NLRP11: variants seen among roughly 807,000 people sequenced by gnomAD.
NLRP11 encodes NLR family pyrin domain containing 11.
In NLRP11, 53 loss-of-function variants were observed where a neutral mutation model predicts 79.3. That is an observed-to-expected ratio of 0.67 (90% CI 0.54 to 0.84). NLRP11 has a LOEUF of 0.84. Ranked by LOEUF, NLRP11 falls within the 40% of genes least tolerant of loss-of-function variation. The probability of loss-of-function intolerance (pLI) is 0.00; values close to 1 mark genes in which losing one functional copy is unlikely to be tolerated. For missense variants in NLRP11, 1,264 were observed against 1,255.0 expected (o/e 1.01, Z -0.11); for synonymous variants, 518 against 462.6 (o/e 1.12, Z -1.54).
chr19:55,812,088 T>C (rs1980659234), intron 2 of NLRP11, among the ~76,000 whole-genome samples: 1 of 151,934 alleles, frequency 6.6e-6, no homozygotes, highest in Admixed American at 6.6e-5. Flanking sequence ...CATTGTCCCA[T>C]ATAAGTATGC....
At chr19:55,789,147 T>C in intron 8 of NLRP11, 82 bp downstream of exon 8, 3 of 1,438,386 alleles carry the variant, frequency 2.1e-6, no homozygotes, top group Non-Finnish European at 2.9e-6. Flanking sequence ...CGAGGTATTG[T>C]ATTTCCCAAT....
chr19:55,809,536 G>C lies in NLRP11; in HGVS notation c.1074C>G (p.Asp358Glu). ...TGGGTGTTTGGCAGCAGAGCTGGAA[G>C]TCACGCCCCTTGTCCATCTGCCGCT... Residue 358 changes from aspartate (D) to glutamate (E), a missense_variant, in exon 3 of 10, where the codon GAC (aspartate) becomes GAG (glutamate). By Grantham distance (45) the Asp-to-Glu change is conservative (BLOSUM62 2). Coordinates refer to ENST00000589093, the Ensembl canonical transcript of NLRP11. This position sits in a 1 kb window ranked among gnomAD's most constrained non-coding sequence, Gnocchi z 4.5. 3 of 1,614,208 alleles carry C rather than the reference G, an allele frequency of 1.9e-6. No homozygotes were observed. Among genetic ancestry groups the C allele is most frequent in the Non-Finnish European group, 2.5e-6 (3 of 1,180,046 alleles).
exon 4 of NLRP11, chr19:55,807,985 T>A: frequency 6.2e-7 from 1 of 1,612,136 alleles, no homozygotes; most frequent in Non-Finnish European, 8.5e-7. Context: ...AGAGCAGATC[T>A]CTCTCCAGTA....
At chr19:55,789,986 G>C (rs752421305) in intron 7 of NLRP11, among the ~76,000 whole-genome samples, 1 of 152,070 alleles carries the variant, frequency 6.6e-6, no homozygotes, top group Non-Finnish European at 1.5e-5. Context: ...GTTGGCCTTC[G>C]TGTTGATTCT....
At chr19:55,816,607 A>G (rs1273486560) in intron 2 of NLRP11, among the ~76,000 whole-genome samples, 1 of 152,206 alleles carries the variant, frequency 6.6e-6, no homozygotes, top group Non-Finnish European at 1.5e-5. Flanking sequence ...TTAACCCTCC[A>G]TGACGCTTAC....
In NLRP11 at chr19:55,809,227, T is replaced by A; in HGVS notation, c.1383A>T (p.Ala461=). ...GATAGTTGGGTACTGCCATCAGAAA[T>A]GCAATGGCTGTACAAAACTCCTGGA... The change falls in exon 3 of 10, where the codon GCA becomes GCT. Residue 461 remains alanine (A), a synonymous_variant. Coordinates refer to ENST00000589093, the Ensembl canonical transcript of NLRP11. The surrounding 1 kb of genome is among the most constrained non-coding windows in gnomAD (Gnocchi z 4.5). 1 of 1,613,988 alleles carries A rather than the reference T, an allele frequency of 6.2e-7. No homozygotes were observed. The highest frequency in any genetic ancestry group is 8.5e-7 in the Non-Finnish European group (1 of 1,179,850).
rs889359688 is a variant in NLRP11, at chr19:55,818,072, G to T, written c.103C>A (p.Leu35Ile). The T allele has an allele frequency of 4.3e-6, 7 of 1,614,070 alleles. No individual in the cohort carries two copies. The highest frequency in any genetic ancestry group is 8.5e-7 in the Non-Finnish European group (1 of 1,179,988). ...GGAAACTGTGGCAGTTTGAAATCAA[G>T]AATCTTGCGTGCCAGATACTTCTTA... The change falls in exon 2 of 10, where the codon CTT becomes ATT. Residue 35 changes from leucine (L) to isoleucine (I), a missense_variant. Coordinates refer to ENST00000589093, the Ensembl canonical transcript of NLRP11.
At chr19:55,827,365 C>T (rs934374569) in intron 1 of NLRP11, among the ~76,000 whole-genome samples, 5 of 149,894 alleles carry the variant, frequency 3.3e-5, no homozygotes, top group Non-Finnish European at 7.4e-5. Context: ...CCAAGGACTT[C>T]ATGTCTAAAA....
At chr19:55,785,836 T>C (rs1989846312) in exon 10 of NLRP11, 1 of 1,613,980 alleles carries the variant, frequency 6.2e-7, no homozygotes, top group Non-Finnish European at 8.5e-7. Context: ...CATCAGCAAC[T>C]GCTGGGTTTG....
At position 55,809,347 on chromosome 19, in the gene NLRP11, C is replaced by T. The variant is rs369778240; in HGVS notation, c.1263G>A (p.Gly421=). ...ACACAGAGACATCAGCCTCAGTAAA[C>T]CCAACACATCTGAGGTCTTCACCAC... is the stretch of plus-strand genomic sequence containing the variant. Residue 421 remains glycine, a synonymous_variant, in exon 3 of 10, where the codon GGG becomes GGA. Transcript: ENST00000589093. The surrounding 1 kb of genome is among the most constrained non-coding windows in gnomAD (Gnocchi z 4.5). 4.3e-6 allele frequency: 7 copies of T among 1,614,106 alleles called. No individual in the cohort carries two copies. The highest frequency in any genetic ancestry group is 5.9e-6 in the Non-Finnish European group (7 of 1,180,012).
At chr19:55,830,093 A>C (rs985538311) in intron 1 of NLRP11, among the ~76,000 whole-genome samples, 2 of 152,120 alleles carry the variant, frequency 1.3e-5, no homozygotes, top group African/African-American at 4.8e-5. Context: ...TGCAGCTCAA[A>C]CCTGTATTGT....
At chr19:55,793,363 C>T (rs1057470800) in intron 6 of NLRP11, among the ~76,000 whole-genome samples, 6 of 151,818 alleles carry the variant, frequency 4.0e-5, no homozygotes, top group Non-Finnish European at 8.8e-5. Flanking sequence ...GAGTTCAGGA[C>T]TTCGAGACTA....
intron 5 of NLRP11, 107 bp downstream of exon 5, chr19:55,801,465 A>G (rs1294906558): frequency 1.3e-6 from 1 of 785,898 alleles, no homozygotes; most frequent in East Asian, 2.5e-5. Flanking sequence ...GGAATGAGTG[A>G]CATCAAAAGG....
At chr19:55,821,245 A>ACC (rs1195309808) in intron 1 of NLRP11, among the ~76,000 whole-genome samples, 6 of 119,780 alleles carry the variant, frequency 5.0e-5, no homozygotes, top group Admixed American at 2.7e-4. Context: ...ACACACACAC[A>ACC]CACACCCCAA....
chr19:55,811,374 C>G (rs1222640901), intron 2 of NLRP11, among the ~76,000 whole-genome samples: 1 of 152,154 alleles, frequency 6.6e-6, no homozygotes, highest in Non-Finnish European at 1.5e-5. Flanking sequence ...TGAGCAGATA[C>G]TTGAAAATGT....
At chr19:55,819,271 C>T (rs7249599) in intron 1 of NLRP11, among the ~76,000 whole-genome samples, 15,340 of 151,972 alleles carry the variant, frequency 0.1, 1,233 homozygotes, top group African/African-American at 0.21. Flanking sequence ...CACACTGTAG[C>T]CCCTGGCCAG....
chr19:55,798,662 T>A (rs969191551), intron 5 of NLRP11, among the ~76,000 whole-genome samples: 5 of 152,028 alleles, frequency 3.3e-5, no homozygotes, highest in Non-Finnish European at 5.9e-5. Context: ...AAGCTAAAAG[T>A]AAACTAAAAA....
chr19:55,816,780 C>A (rs1221811805), intron 2 of NLRP11, among the ~76,000 whole-genome samples: 1 of 152,182 alleles, frequency 6.6e-6, no homozygotes, highest in Non-Finnish European at 1.5e-5. Context: ...CAAGTACTTT[C>A]TTTGAGTCTA....
At chr19:55,835,339 G>C (rs1983148009), upstream of NLRP11, among the ~76,000 whole-genome samples, 1 of 152,232 alleles carries the variant, frequency 6.6e-6, no homozygotes, top group Non-Finnish European at 1.5e-5. Context: ...ATGAAATCTC[G>C]ACCTTGCGTC....
Sources: gnomAD v4.1 joint callset for allele counts (sites outside exome capture counted in the v4.1 genomes callset) on GRCh38, gnomAD v4.1.1 for gene constraint, Gnocchi (gnomAD v3.1) non-coding constraint, MANE v1.5 for transcripts, NCBI Gene and HGNC (gene_info 2026-07-23, HGNC 2026-07-21) for gene names.